Variants in C3orf20 observed in about 807,000 individuals in gnomAD.
C3orf20 encodes the protein family with sequence similarity 149 member C, also known as uncharacterized protein C3orf20.
A neutral mutation model predicts 88.3 loss-of-function variants in C3orf20; 76 were observed. The observed-to-expected ratio is 0.86, with a 90% CI of 0.72 to 1.04. The LOEUF is 1.04. Ranked by LOEUF, C3orf20 falls within the 50% of genes least tolerant of loss-of-function variation. The probability of loss-of-function intolerance (pLI) is 0.00; values close to 1 mark genes in which losing one functional copy is unlikely to be tolerated. For synonymous variants in C3orf20, 436 were observed against 437.4 expected (o/e 1.00, Z 0.04); for missense variants, 1,056 against 1,123.3 (o/e 0.94, Z 0.86).
chr3:14,691,452 G>A (rs143929991), intron 5 of C3orf20, among the ~76,000 whole-genome samples: 320 of 152,308 alleles, frequency 2.1e-3, no homozygotes, highest in Non-Finnish European at 3.4e-3. Flanking sequence ...ATGAACTTGA[G>A]GGTGATGTCT....
In C3orf20 at chr3:14,751,911, A is replaced by G. The variant is rs138499964; in HGVS notation, c.1941-5460A>G. On this transcript the variant is annotated intron_variant, in intron 12 of 16. Transcript: ENST00000253697. ...TGTGAAAATGGCCATACTACCCAAG[A>G]TAATTTATACATTCAATGCTATCCC... Among the ~76,000 whole-genome samples, 255 of 152,324 alleles carry G rather than the reference A, an allele frequency of 1.7e-3. 3 individuals carry two copies. The highest frequency in any genetic ancestry group is 0.016 in the Admixed American group (239 of 15,298).
intron 4 of C3orf20, among the ~76,000 whole-genome samples, chr3:14,688,787 T>C (rs534952757): frequency 1.1e-4 from 16 of 152,196 alleles, no homozygotes; most frequent in Non-Finnish European, 8.8e-5. Flanking sequence ...GTTCCTGTGC[T>C]CGTGTATGTA....
At chr3:14,708,200 G>A (rs2124946204) in intron 7 of C3orf20, among the ~76,000 whole-genome samples, 1 of 152,202 alleles carries the variant, frequency 6.6e-6, no homozygotes, top group South Asian at 2.1e-4. Context: ...TTTGTATGTG[G>A]TATAAGATAA....
intron 4 of C3orf20, among the ~76,000 whole-genome samples, chr3:14,686,111 T>C (rs978333507): frequency 2.0e-5 from 3 of 152,146 alleles, no homozygotes; most frequent in Non-Finnish European, 4.4e-5. Flanking sequence ...CCGTCTGCCT[T>C]GGCCTCCCAA....
At chr3:14,679,476 T>C (rs536489439) in intron 1 of C3orf20, among the ~76,000 whole-genome samples, 52 of 152,266 alleles carry the variant, frequency 3.4e-4, no homozygotes, top group Non-Finnish European at 6.9e-4. Flanking sequence ...GATGGTTGAG[T>C]GCTGGTGTGG....
At chr3:14,694,847 G>A (rs1336022033) in intron 5 of C3orf20, among the ~76,000 whole-genome samples, 1 of 151,936 alleles carries the variant, frequency 6.6e-6, no homozygotes, top group East Asian at 1.9e-4. Flanking sequence ...CTGGAGTGCA[G>A]TGGTGTGATC....
At chr3:14,688,311 CTTGAGG>C in intron 4 of C3orf20, among the ~76,000 whole-genome samples, 1 of 151,824 alleles carries the variant, frequency 6.6e-6, no homozygotes, top group Admixed American at 6.5e-5. Flanking sequence ...AGGAGGATTG[CTTGAGG>C]CCAGGAGTTC....
intron 13 of C3orf20, 56 bp downstream of exon 13, chr3:14,757,730 A>C: frequency 6.6e-7 from 1 of 1,516,436 alleles, no homozygotes; most frequent in Non-Finnish European, 8.9e-7. Flanking sequence ...GTAGTGGGGC[A>C]GTCCGAGAAA....
At chr3:14,755,760 C>T (rs922876850) in intron 12 of C3orf20, among the ~76,000 whole-genome samples, 4 of 152,172 alleles carry the variant, frequency 2.6e-5, no homozygotes, top group East Asian at 1.9e-4. Context: ...CTGGGCGCGG[C>T]GGCTCACGCC....
chr3:14,702,122 CT>C (rs1201503542), intron 5 of C3orf20, among the ~76,000 whole-genome samples: 2 of 152,114 alleles, frequency 1.3e-5, no homozygotes, highest in African/African-American at 4.8e-5. Context: ...TTTAACTGGA[CT>C]TCAGTTCGAC....
Position 14,757,445 on chromosome 3 carries a change from A to G in C3orf20, c.2015A>G (p.Lys672Arg). Residue 672 changes from lysine (K) to arginine (R), a missense_variant, in exon 13 of 17, where the codon AAG (lysine) becomes AGG (arginine). By Grantham distance (26) the Lys-to-Arg change is conservative. Coordinates refer to ENST00000253697, the MANE Select transcript of C3orf20 (RefSeq NM_032137.5). ...TCAGACTGCCCGCTGGTGCTGCGGA[A>G]GCTCATGCTCAAGGAAGACACCCGT... Reference protein sequence around the residue: ...LPSDCPLVLRKLMLKEDTRAG... With the variant: ...LPSDCPLVLRRLMLKEDTRAG... 6.2e-7 allele frequency: 1 copy of G among 1,612,518 alleles called. No individual in the cohort carries two copies. Among genetic ancestry groups the G allele is most frequent in the Non-Finnish European group, 8.5e-7 (1 of 1,179,934 alleles).
At chr3:14,771,406 T>C (rs2035855250) in intron 15 of C3orf20, among the ~76,000 whole-genome samples, 1 of 152,190 alleles carries the variant, frequency 6.6e-6, no homozygotes, top group South Asian at 2.1e-4. Context: ...CAGTTCTGGA[T>C]GCCAGAAGCT....
intron 8 of C3orf20, among the ~76,000 whole-genome samples, chr3:14,714,495 G>T (rs1475306470): frequency 6.6e-6 from 1 of 152,180 alleles, no homozygotes; most frequent in African/African-American, 2.4e-5. Context: ...CCAGGAGTAG[G>T]TGAAGGAGAG....
intron 12 of C3orf20, among the ~76,000 whole-genome samples, chr3:14,734,430 TTTCTTTCTTG>T (rs2034640542): frequency 6.6e-6 from 1 of 152,178 alleles, no homozygotes; most frequent in Non-Finnish European, 1.5e-5. Context: ...ATTTTATATT[TTTCTTTCTTG>T]TTCTTTCTTG....
At position 14,768,231 on chromosome 3, in the gene C3orf20, G is replaced by T. The variant is rs1196891332; in HGVS notation, c.2496-3836G>T. 6.6e-6 allele frequency among the ~76,000 whole-genome samples: 1 copy of T among 151,782 alleles called. No individual in the cohort carries two copies. Among genetic ancestry groups the T allele is most frequent in the Non-Finnish European group, 1.5e-5 (1 of 68,016 alleles). On this transcript the variant is annotated intron_variant, in intron 15 of 16. Coordinates refer to ENST00000253697, the MANE Select transcript of C3orf20 (RefSeq NM_032137.5). The surrounding 1 kb of genome is among the most constrained non-coding windows in gnomAD (Gnocchi z 4.1). The stretch of plus-strand genomic sequence containing the variant: ...TCTCTAGTTGGATCAGCAGTGCAGG[G>T]GGCCCACACCCTCGTCCGCTGCATA...
chr3:14,740,898 T>C (rs2034880162), intron 12 of C3orf20, among the ~76,000 whole-genome samples: 2 of 152,240 alleles, frequency 1.3e-5, no homozygotes, highest in South Asian at 2.1e-4. Flanking sequence ...TTGTTTCTTA[T>C]TTAATTGTAC....
chr3:14,759,610 AC>A (rs1196052095), intron 13 of C3orf20, among the ~76,000 whole-genome samples: 2 of 152,070 alleles, frequency 1.3e-5, no homozygotes, highest in Admixed American at 6.5e-5. Context: ...CATTCTGTGG[AC>A]CCCAGAGAGC....
At chr3:14,704,737 G>A (rs1375191133) in intron 7 of C3orf20, 119 bp downstream of exon 7, 1 of 1,188,920 alleles carries the variant, frequency 8.4e-7, no homozygotes, top group African/African-American at 1.5e-5. Context: ...GCCTGGTGAT[G>A]GGTCTCCTGG....
intron 9 of C3orf20, among the ~76,000 whole-genome samples, chr3:14,716,180 G>A (rs1448351648): frequency 6.6e-6 from 1 of 152,158 alleles, no homozygotes; most frequent in Non-Finnish European, 1.5e-5. Flanking sequence ...ACCAAATGTA[G>A]CCTCTGGGGG....
Sources: gnomAD v4.1 joint callset for allele counts (sites outside exome capture counted in the v4.1 genomes callset) on GRCh38, gnomAD v4.1.1 for gene constraint, Gnocchi (gnomAD v3.1) non-coding constraint, MANE v1.5 for transcripts, NCBI Gene and HGNC (gene_info 2026-07-23, HGNC 2026-07-21) for gene names.